The following DHX58 variants were observed in gnomAD, a reference collection of about 807,000 sequenced individuals.
DHX58 encodes the protein DExH-box helicase 58, also known as ATP-dependent RNA helicase DHX58.
In DHX58, 51 loss-of-function variants were observed where a neutral mutation model predicts 65.0. The observed-to-expected ratio is 0.78, with a 90% confidence interval of 0.63 to 0.99. The LOEUF is 0.99. Ranked by LOEUF, DHX58 falls within the 50% of genes least tolerant of loss-of-function variation. DHX58 has a pLI of 0.00. For missense variants in DHX58, 773 were observed against 891.8 expected (o/e 0.87, Z 1.70); for synonymous variants, 350 against 365.0 (o/e 0.96, Z 0.47).
intron 11 of DHX58, 126 bp downstream of exon 11, chr17:42,104,640 A>C: frequency 7.7e-7 from 1 of 1,302,076 alleles, no homozygotes; most frequent in South Asian, 1.5e-5. Flanking sequence ...AACCTTCCCT[A>C]GGTGGCCAAA....
At chr17:42,108,927 A>G (rs2054106822) in intron 6 of DHX58, among the ~76,000 whole-genome samples, 1 of 152,258 alleles carries the variant, frequency 6.6e-6, no homozygotes, top group African/African-American at 2.4e-5. Context: ...CCTGACACCT[A>G]GTCCTTGTCC....
intron 9 of DHX58, 126 bp downstream of exon 9, chr17:42,105,610 G>A (rs2143992714): frequency 6.8e-7 from 1 of 1,470,764 alleles, no homozygotes; most frequent in Non-Finnish European, 8.9e-7. Context: ...TCTGCCTGGG[G>A]ATAGTCAACT....
At position 42,107,709 on chromosome 17, in the gene DHX58, G is replaced by A; in HGVS notation, c.892C>T (p.Arg298Cys). Residue 298 changes from arginine to cysteine, a missense_variant, in exon 8 of 14, where the codon CGC (arginine) becomes TGC (cysteine). Physicochemically the swap from Arg to Cys is radical, Grantham distance 180. Coordinates refer to ENST00000251642, the MANE Select transcript of DHX58 (RefSeq NM_024119.3). ...NDALLIHDTVRAVDALAALQD... is the reference protein window; with the variant it reads ...NDALLIHDTVCAVDALAALQD... ...AGCGCAGCCAAGGCATCCACGGCGCGGACGGTGTCATGGATGAGCAGCGCG... is the reference window on the plus strand; with the variant it reads ...AGCGCAGCCAAGGCATCCACGGCGCAGACGGTGTCATGGATGAGCAGCGCG... 1 of 1,611,164 alleles carries A rather than the reference G, an allele frequency of 6.2e-7. No individual in the cohort carries two copies. The highest frequency in any genetic ancestry group is 8.5e-7 in the Non-Finnish European group (1 of 1,178,650).
chr17:42,107,352 C>G (rs2054077004), intron 8 of DHX58, among the ~76,000 whole-genome samples: 1 of 140,364 alleles, frequency 7.1e-6, no homozygotes, highest in South Asian at 2.2e-4. Context: ...GGTGACAGAG[C>G]AAGACCCCGA....
In DHX58 at chr17:42,111,317, C is replaced by G. The variant is rs782182692; in HGVS notation, c.349G>C (p.Glu117Gln). 1 of 1,612,950 alleles carries G rather than the reference C, an allele frequency of 6.2e-7. No homozygotes were observed. The highest frequency in any genetic ancestry group is 8.5e-7 in the Non-Finnish European group (1 of 1,179,006). The change falls in exon 4 of 14, where the codon GAG (glutamate) becomes CAG (glutamine). Residue 117 changes from glutamate (E) to glutamine (Q), a missense_variant. Glu to Gln is a conservative substitution (Grantham distance 29, BLOSUM62 2). Coordinates refer to ENST00000251642, the MANE Select transcript of DHX58 (RefSeq NM_024119.3). ...LQMALTSPEE[E>Q]EHVELTVFSL... is the part of the protein sequence containing the mutation. Reference sequence around the variant, plus strand: ...TCACCAGTGAGCTCCACGTGCTCCTCCTCCTCGGGGCTGGTCAGTGCCATC... The same window carrying G: ...TCACCAGTGAGCTCCACGTGCTCCTGCTCCTCGGGGCTGGTCAGTGCCATC...
rs527571291 is a variant in DHX58 at position 42,103,632 on chromosome 17, T to C, written c.1730A>G (p.His577Arg). ...SDLRKVEGTH[H>R]VNVNPNFSNY... ...CGAGAAGTTGGGGTTCACATTGACA[T>C]GGTGGGTGCCCTCCACCTTCCGCAG... Residue 577 changes from histidine (H) to arginine (R), a missense_variant, in exon 12 of 14, where the codon CAT becomes CGT. Physicochemically the swap from His to Arg is conservative, Grantham distance 29. Transcript: ENST00000251642. 34 of 1,614,050 alleles carry C rather than the reference T, an allele frequency of 2.1e-5. No individual in the cohort carries two copies. In the South Asian group the frequency reaches 3.5e-4, roughly 17 times the overall value.
In DHX58 at chr17:42,106,009, T is replaced by G; in HGVS notation, c.998-20A>C. ...TGCGGTCTGTCAAAAACCCCAAAAT[T>G]TAGCTGGGTGTAGTGGCACATGTCT... On this transcript the variant is annotated intron_variant, in intron 8 of 13. Coordinates refer to ENST00000251642, the MANE Select transcript of DHX58 (RefSeq NM_024119.3). 1 of 1,603,144 alleles carries G rather than the reference T, an allele frequency of 6.2e-7. No individual in the cohort carries two copies. Among genetic ancestry groups the G allele is most frequent in the Non-Finnish European group, 8.5e-7 (1 of 1,174,526 alleles).
At chr17:42,109,155 T>C (rs2144005750) in intron 6 of DHX58, 115 bp downstream of exon 6, 2 of 801,170 alleles carry the variant, frequency 2.5e-6, no homozygotes, top group Non-Finnish European at 3.8e-6. Flanking sequence ...GAGGCTTGGA[T>C]ACATAGCAAG....
rs1555662266 is a variant in DHX58, at chr17:42,104,899, C to G, written c.1430G>C (p.Ser477Thr). 1 of 1,613,466 alleles carries G rather than the reference C, an allele frequency of 6.2e-7. No homozygotes were observed. The highest frequency in any genetic ancestry group is 2.2e-5 in the East Asian group (1 of 44,880). Residue 477 changes from serine (S) to threonine (T), a missense_variant, in exon 11 of 14, where the codon AGT becomes ACT. Physicochemically the swap from Ser to Thr is moderately conservative, Grantham distance 58. Transcript: ENST00000251642. ...TTCAGTTGCTACAAACGCGTATACA[C>G]TCTGATCGGCCCGGGCACGGCCCCT... ...QARGRARADQ[S>T]VYAFVATEGS...
chr17:42,105,999 A>AC lies in DHX58; in HGVS notation c.998-11dup. On this transcript the variant is annotated splice_polypyrimidine_tract_variant and intron_variant, in intron 8 of 13. Transcript: ENST00000251642. ...AGCTCATTCTTGCGGTCTGTCAAAAACCCCAAAATTTAGCTGGGTGTAGTG... is the reference window on the plus strand; with the variant it reads ...AGCTCATTCTTGCGGTCTGTCAAAAACCCCCAAAATTTAGCTGGGTGTAGTG... 6.2e-7 allele frequency: 1 copy of AC among 1,606,872 alleles called. No individual in the cohort carries two copies. Among genetic ancestry groups the AC allele is most frequent in the Non-Finnish European group, 8.5e-7 (1 of 1,176,328 alleles).
Position 42,108,047 on chromosome 17 carries a change from G to A in DHX58, c.740C>T (p.Pro247Leu), listed in dbSNP as rs782280357. Residue 247 changes from proline to leucine, a missense_variant, in exon 7 of 14, where the codon CCT becomes CTT. Transcript: ENST00000251642. The stretch of plus-strand genomic sequence containing the variant: ...CGTCCCAAATTTCCGGCTCAACTCA[G>A]GCATCTCCAGGTGGTCATGGATTTG... ...MDQIHDHLEM[P>L]ELSRKFGTQM... 2 of 1,614,248 alleles carry A rather than the reference G, an allele frequency of 1.2e-6. No individual in the cohort carries two copies.
At position 42,111,387 on chromosome 17, in the gene DHX58, C is replaced by T. The variant is rs782522473; in HGVS notation, c.279G>A (p.Leu93=). Residue 93 remains leucine (L), a synonymous_variant, in exon 4 of 14, where the codon CTG becomes CTA. Coordinates refer to ENST00000251642, the MANE Select transcript of DHX58 (RefSeq NM_024119.3). ...AGATGAGCAGGTCATGGCACCGGGC[C>T]AGGTGGCCAAAGCCAGCACGTGGTC... is the stretch of plus-strand genomic sequence containing the variant. The part of the protein sequence containing the change: ...DMGPRAGFGH[L]ARCHDLLICT... 2 of 1,614,214 alleles carry T rather than the reference C, an allele frequency of 1.2e-6. No individual in the cohort carries two copies. Among genetic ancestry groups the T allele is most frequent in the Non-Finnish European group, 1.7e-6 (2 of 1,180,036 alleles).
chr17:42,105,198 G>T (rs782165468), intron 9 of DHX58, 31 bp from the exon 10 acceptor site: 7 of 1,580,004 alleles, frequency 4.4e-6, no homozygotes, highest in Non-Finnish European at 6.0e-6. Flanking sequence ...GGAGAAAGAG[G>T]CTGGTACATG....
chr17:42,105,895 G>C lies in DHX58; in HGVS notation c.1092C>G (p.Ser364Arg). ...AGATGATACCCCGAGGGCTGTTAGAGCTACTGAACTGCCTTTGCAGGATCT... is the reference window on the plus strand; with the variant it reads ...AGATGATACCCCGAGGGCTGTTAGACCTACTGAACTGCCTTTGCAGGATCT... ...LEKILQRQFSSSNSPRGIIFT... is the reference protein window; with the variant it reads ...LEKILQRQFSRSNSPRGIIFT... The change falls in exon 9 of 14, where the codon AGC (serine) becomes AGG (arginine). Residue 364 changes from serine (S) to arginine (R), a missense_variant. Coordinates refer to ENST00000251642, the MANE Select transcript of DHX58 (RefSeq NM_024119.3). 1.2e-6 allele frequency: 2 copies of C among 1,613,950 alleles called. No homozygotes were observed. The highest frequency in any genetic ancestry group is 1.7e-6 in the Non-Finnish European group (2 of 1,180,012).
chr17:42,105,994 CA>C lies in DHX58; in HGVS notation c.998-6del. On this transcript the variant is annotated splice_polypyrimidine_tract_variant and splice_region_variant and intron_variant, in intron 8 of 13. Coordinates refer to ENST00000251642, the MANE Select transcript of DHX58 (RefSeq NM_024119.3). ...GGGCCAGCTCATTCTTGCGGTCTGT[CA>C]AAAACCCCAAAATTTAGCTGGGTGT... 3 of 1,608,078 alleles carry C rather than the reference CA, an allele frequency of 1.9e-6. No individual in the cohort carries two copies. The highest frequency in any genetic ancestry group is 2.5e-6 in the Non-Finnish European group (3 of 1,177,048).
In DHX58 at chr17:42,105,044, A is replaced by G; in HGVS notation, c.1375T>C (p.Leu459=). The part of the protein sequence containing the change: ...HCNVVVRYGL[L]TNEISMVQAR... ...TGGACCATGGAGATTTCATTGGTCA[A>G]GAGCCCATAACGCACCACCACATTG... Residue 459 remains leucine, a synonymous_variant, in exon 10 of 14, where the codon TTG becomes CTG. Transcript: ENST00000251642. The G allele has an allele frequency of 1.2e-6, 2 of 1,613,680 alleles. No individual in the cohort carries two copies. Among genetic ancestry groups the G allele is most frequent in the Non-Finnish European group, 1.7e-6 (2 of 1,179,952 alleles).
intron 8 of DHX58, among the ~76,000 whole-genome samples, chr17:42,106,198 GAGAGAGAA>G: frequency 6.8e-6 from 1 of 147,306 alleles, no homozygotes; most frequent in East Asian, 2.0e-4. Flanking sequence ...GAGAAAGAGA[GAGAGAGAA>G]AGAGAGAAGG....
At chr17:42,103,831 G>A (rs2054014536) in intron 11 of DHX58, 33 bp from the exon 12 acceptor site, 2 of 1,585,692 alleles carry the variant, frequency 1.3e-6, no homozygotes, top group Non-Finnish European at 1.7e-6. Context: ...GCATGGCTGG[G>A]GCCTAAGAGA....
Position 42,101,769 on chromosome 17 carries a change from G to A in DHX58, c.2029C>T (p.Leu677=). 1 of 1,614,154 alleles carries A rather than the reference G, an allele frequency of 6.2e-7. No homozygotes were observed. Among genetic ancestry groups the A allele is most frequent in the Non-Finnish European group, 8.5e-7 (1 of 1,180,014 alleles). Residue 677 remains leucine (L), a synonymous_variant, in exon 14 of 14, where the codon CTG becomes TTG. Coordinates refer to ENST00000251642, the MANE Select transcript of DHX58 (RefSeq NM_024119.3). ...CTGCAGCAATGAGGTGGTCAGTCCAGGGAGAGGTCCGACAAGTTCTCGGCA... is the reference window on the plus strand; with the variant it reads ...CTGCAGCAATGAGGTGGTCAGTCCAAGGAGAGGTCCGACAAGTTCTCGGCA... The part of the protein sequence containing the change: ...HCAENLSDLS[L]D
Sources: gnomAD v4.1 joint callset for allele counts (sites outside exome capture counted in the v4.1 genomes callset) on GRCh38, gnomAD v4.1.1 for gene constraint, MANE v1.5 for transcripts, NCBI Gene and HGNC (gene_info 2026-07-23, HGNC 2026-07-21) for gene names.